AUTS2: variants seen among roughly 807,000 people sequenced by gnomAD.
AUTS2 encodes autism susceptibility gene 2 protein.
In AUTS2, 17 loss-of-function variants were observed where a neutral mutation model predicts 112.4. The observed-to-expected ratio is 0.15, with a 90% CI of 0.10 to 0.23. AUTS2 has a LOEUF of 0.23. AUTS2 is among the 10% of genes least tolerant of loss of function. The pLI is 1.00. For missense variants in AUTS2, 1,510 were observed against 1,701.6 expected (o/e 0.89, Z 1.98); for synonymous variants, 751 against 702.7 (o/e 1.07, Z -1.09).
chr7:69,899,303 G>T lies in AUTS2; in HGVS notation c.327G>T (p.Lys109Asn). 6.2e-7 allele frequency: 1 copy of T among 1,613,350 alleles called. No individual in the cohort carries two copies. Among genetic ancestry groups the T allele is most frequent in the Non-Finnish European group, 8.5e-7 (1 of 1,179,416 alleles). ...TTCTACAGAAAGATGTAGCACTTAA[G>T]CCTCAGGAACGTGTGGAGAAACGCC... is the stretch of plus-strand genomic sequence containing the variant. ...FEALEKDVALKPQERVEKRQT... is the reference protein window; with the variant it reads ...FEALEKDVALNPQERVEKRQT... The change falls in exon 2 of 19, where the codon AAG becomes AAT. Residue 109 changes from lysine to asparagine, a missense_variant. By Grantham distance (94) the Lys-to-Asn change is moderately conservative (BLOSUM62 0). Around this residue, in one of 3 missense-constraint regions of AUTS2, gnomAD observed 535 missense variants for 594.3 expected, o/e 0.90. Coordinates refer to ENST00000342771, the MANE Select transcript of AUTS2 (RefSeq NM_015570.4).
chr7:70,132,617 A>C (rs1487325508), intron 3 of AUTS2, among the ~76,000 whole-genome samples: 1 of 152,224 alleles, frequency 6.6e-6, no homozygotes, highest in East Asian at 1.9e-4. Flanking sequence ...CTGCATAAAC[A>C]ATAGCCAGAA....
intron 1 of AUTS2, among the ~76,000 whole-genome samples, chr7:69,886,969 G>T (rs1794306554): frequency 6.6e-6 from 1 of 152,122 alleles, no homozygotes; most frequent in African/African-American, 2.4e-5. Flanking sequence ...TGGAGACTGG[G>T]TCTCACTCTG....
intron 2 of AUTS2, among the ~76,000 whole-genome samples, chr7:69,910,025 G>T (rs1195785928): frequency 2.0e-5 from 3 of 152,188 alleles, no homozygotes; most frequent in Non-Finnish European, 2.9e-5. Context: ...TGCACTGCTG[G>T]AAGGTTGCAT....
chr7:69,957,422 C>T (rs1726677939), intron 2 of AUTS2, among the ~76,000 whole-genome samples: 1 of 151,678 alleles, frequency 6.6e-6, no homozygotes, highest in African/African-American at 2.4e-5. Context: ...TTTACCTTGT[C>T]CTGAATGGAT....
chr7:69,917,289 C>T (rs377634460), intron 2 of AUTS2, among the ~76,000 whole-genome samples: 84 of 133,240 alleles, frequency 6.3e-4, no homozygotes, highest in Non-Finnish European at 7.5e-4. Flanking sequence ...CTTTTTTTTT[C>T]TTTTTTTTTT....
At chr7:70,600,917 T>G (rs1281166256) in intron 5 of AUTS2, among the ~76,000 whole-genome samples, 1 of 152,258 alleles carries the variant, frequency 6.6e-6, no homozygotes, top group Non-Finnish European at 1.5e-5. Context: ...TTTGTTTCTT[T>G]ATTCATCCAT....
intron 6 of AUTS2, among the ~76,000 whole-genome samples, chr7:70,719,887 G>A (rs990285549): frequency 6.6e-5 from 10 of 152,148 alleles, no homozygotes; most frequent in Non-Finnish European, 1.5e-5. Context: ...TCTCATTCCC[G>A]AAGGTAATTT....
In AUTS2 at chr7:70,433,440, C is replaced by T. The variant is rs1467232808; in HGVS notation, c.661-2312C>T. Reference sequence around the variant, plus strand: ...GCGTTGTCACTCTTGAAAATGTGCCCAGATCTTAGGAACCTCACAGAGGGC... The same window carrying T: ...GCGTTGTCACTCTTGAAAATGTGCCTAGATCTTAGGAACCTCACAGAGGGC... On this transcript the variant is annotated intron_variant, in intron 4 of 18. Transcript: ENST00000342771. Among the ~76,000 whole-genome samples, 4 of 152,176 alleles carry T rather than the reference C, an allele frequency of 2.6e-5. No individual in the cohort carries two copies. The East Asian group carries it at 7.7e-4, about 29-fold the overall frequency.
At chr7:69,673,563 G>A (rs1796432475) in intron 1 of AUTS2, among the ~76,000 whole-genome samples, 1 of 152,214 alleles carries the variant, frequency 6.6e-6, no homozygotes. Flanking sequence ...ATGTCCATGG[G>A]CAAGTTTGTG....
chr7:70,564,326 A>G (rs920013697), intron 5 of AUTS2, among the ~76,000 whole-genome samples: 11 of 152,336 alleles, frequency 7.2e-5, no homozygotes, highest in African/African-American at 2.2e-4. Flanking sequence ...CAGATTGTAC[A>G]TGACCTTAGA....
At chr7:69,817,297 C>T (rs1179174481) in intron 1 of AUTS2, among the ~76,000 whole-genome samples, 1 of 152,244 alleles carries the variant, frequency 6.6e-6, no homozygotes, top group Non-Finnish European at 1.5e-5. Flanking sequence ...GAACTCGGCT[C>T]TCTAGCAGCT....
intron 2 of AUTS2, among the ~76,000 whole-genome samples, chr7:70,016,538 G>A (rs1800036657): frequency 6.6e-6 from 1 of 152,130 alleles, no homozygotes; most frequent in Non-Finnish European, 1.5e-5. Flanking sequence ...CAGGGGATGA[G>A]TCAGAGAGAG....
At chr7:70,785,894 C>A in intron 16 of AUTS2, 61 bp from the exon 17 acceptor site, 2 of 1,531,238 alleles carry the variant, frequency 1.3e-6, no homozygotes, top group East Asian at 4.5e-5. Flanking sequence ...TCCCAGGAAG[C>A]TCTGGGTTCC....
rs184580323 is a variant in AUTS2 at position 69,604,520 on chromosome 7, C to T, written c.309+4558C>T. Among the ~76,000 whole-genome samples the T allele has an allele frequency of 5.1e-4, 77 of 152,256 alleles. 2 individuals carry two copies. In the East Asian group the frequency reaches 0.015, roughly 29 times the overall value. On this transcript the variant is annotated intron_variant, in intron 1 of 18. Transcript: ENST00000342771. ...AGCGCCATAGGCTTTTAGAGACAGG[C>T]TAGTGAGATAGGCTGAAGTGTTCCA...
At chr7:69,918,403 G>C (rs922214282) in intron 2 of AUTS2, among the ~76,000 whole-genome samples, 1 of 152,168 alleles carries the variant, frequency 6.6e-6, no homozygotes, top group Non-Finnish European at 1.5e-5. Context: ...TGTAAGTCAA[G>C]AATTGCCTAT....
At chr7:70,679,146 T>C (rs1808078303) in intron 5 of AUTS2, among the ~76,000 whole-genome samples, 1 of 152,178 alleles carries the variant, frequency 6.6e-6, no homozygotes, top group South Asian at 2.1e-4. Flanking sequence ...AGTTTTTGGG[T>C]GTTATTCTCA....
chr7:69,970,171 A>T (rs1797791353), intron 2 of AUTS2, among the ~76,000 whole-genome samples: 3 of 152,180 alleles, frequency 2.0e-5, no homozygotes, highest in Admixed American at 6.5e-5. Flanking sequence ...ATTGGTGCCT[A>T]GCTATCTTTC....
intron 3 of AUTS2, among the ~76,000 whole-genome samples, chr7:70,125,872 G>T (rs1206669711): frequency 2.0e-5 from 3 of 152,140 alleles, no homozygotes; most frequent in South Asian, 2.1e-4. Context: ...TGAGGTGGGA[G>T]AATACATTCA....
intron 4 of AUTS2, among the ~76,000 whole-genome samples, chr7:70,203,808 T>C (rs1222556712): frequency 2.0e-5 from 3 of 151,294 alleles, no homozygotes; most frequent in African/African-American, 7.3e-5. Flanking sequence ...CCCTTTGATT[T>C]TCAGTGCTAA....
Sources: gnomAD v4.1 joint callset for allele counts (sites outside exome capture counted in the v4.1 genomes callset) on GRCh38, gnomAD v4.1.1 for gene constraint, gnomAD v4.1.1 regional missense constraint, MANE v1.5 for transcripts, NCBI Gene and HGNC (gene_info 2026-07-23, HGNC 2026-07-21) for gene names.